KIAA0825: variants seen among roughly 807,000 people sequenced by gnomAD.
KIAA0825 encodes the protein uncharacterized protein KIAA0825.
A neutral mutation model predicts 147.6 loss-of-function variants in KIAA0825; 119 were observed. The observed-to-expected ratio is 0.81, with a 90% CI of 0.69 to 0.94. The LOEUF (loss-of-function observed/expected upper bound fraction) is 0.94, where lower values mean the gene tolerates loss of function less well. Ranked by LOEUF, KIAA0825 falls within the 40% of genes least tolerant of loss-of-function variation. The probability of loss-of-function intolerance (pLI) is 0.00; values close to 1 mark genes in which losing one functional copy is unlikely to be tolerated. For synonymous variants in KIAA0825, 470 were observed against 518.1 expected, an observed-to-expected ratio of 0.91 and a Z score of 1.26; for missense variants, 1,381 against 1,472.7, an observed-to-expected ratio of 0.94 and a Z score of 1.02.
At chr5:94,414,167 AAAGTT>A (rs2150694447) in intron 15 of KIAA0825, 1 of 152,316 alleles carries the variant, frequency 6.6e-6, no homozygotes, top group African/African-American at 2.4e-5. Flanking sequence ...AGGTTGGGAG[AAAGTT>A]AAGAAAACTG....
At chr5:94,332,512 G>T (rs1781388583) in intron 20 of KIAA0825, among the ~76,000 whole-genome samples, 4 of 152,224 alleles carry the variant, frequency 2.6e-5, no homozygotes, top group Admixed American at 2.6e-4. Flanking sequence ...TGCTGAGAAT[G>T]ATGGTTTCCA....
At chr5:94,179,280 A>G (rs964079027) in intron 20 of KIAA0825, among the ~76,000 whole-genome samples, 22 of 152,140 alleles carry the variant, frequency 1.4e-4, no homozygotes, top group African/African-American at 5.1e-4. Flanking sequence ...GTAGGAAAAC[A>G]ACCGACAAAT....
At chr5:94,327,809 C>A (rs1276268959) in intron 20 of KIAA0825, among the ~76,000 whole-genome samples, 1 of 151,972 alleles carries the variant, frequency 6.6e-6, no homozygotes, top group African/African-American at 2.4e-5. Context: ...AGATCAAGAC[C>A]ATCCTGGCCA....
intron 2 of KIAA0825, among the ~76,000 whole-genome samples, chr5:94,565,249 C>T (rs1182827339): frequency 6.6e-6 from 1 of 150,678 alleles, no homozygotes; most frequent in African/African-American, 2.4e-5. Context: ...TGTTTTTTTG[C>T]AACATCACCT....
At chr5:94,295,103 AGGCT>A (rs1188969189) in intron 20 of KIAA0825, among the ~76,000 whole-genome samples, 1 of 151,950 alleles carries the variant, frequency 6.6e-6, no homozygotes, top group African/African-American at 2.4e-5. Context: ...TATTTCTTGG[AGGCT>A]TTGTTCATGC....
intron 20 of KIAA0825, among the ~76,000 whole-genome samples, chr5:94,345,400 T>C (rs1281607188): frequency 6.6e-6 from 1 of 152,108 alleles, no homozygotes; most frequent in Non-Finnish European, 1.5e-5. Context: ...CACATGTCAT[T>C]ACAACTTGTA....
chr5:94,567,273 G>T (rs1489237857), intron 2 of KIAA0825, among the ~76,000 whole-genome samples: 2 of 152,128 alleles, frequency 1.3e-5, no homozygotes, highest in African/African-American at 2.4e-5. Flanking sequence ...AACATAAGCT[G>T]AATATTTTGC....
chr5:94,548,278 T>G (rs1480791234), intron 2 of KIAA0825, among the ~76,000 whole-genome samples: 1 of 152,180 alleles, frequency 6.6e-6, no homozygotes, highest in Admixed American at 6.5e-5. Flanking sequence ...GCTGATGAAC[T>G]AAGTTTTTAC....
intron 5 of KIAA0825, among the ~76,000 whole-genome samples, chr5:94,510,672 T>C (rs912449370): frequency 1.3e-5 from 2 of 152,138 alleles, no homozygotes; most frequent in African/African-American, 4.8e-5. Flanking sequence ...GGAATAGAAA[T>C]ACAATTTTAA....
At chr5:94,358,880 G>A (rs1190438065) in intron 20 of KIAA0825, among the ~76,000 whole-genome samples, 2 of 152,040 alleles carry the variant, frequency 1.3e-5, no homozygotes, top group Non-Finnish European at 2.9e-5. Flanking sequence ...TTCTATCATG[G>A]CATAAACTAA....
At chr5:94,171,996 A>G (rs1251225132) in intron 20 of KIAA0825, among the ~76,000 whole-genome samples, 2 of 152,222 alleles carry the variant, frequency 1.3e-5, no homozygotes, top group East Asian at 1.9e-4. Context: ...ATGTCTCATT[A>G]GGATTCCACG....
intron 20 of KIAA0825, among the ~76,000 whole-genome samples, chr5:94,301,291 C>T (rs577196233): frequency 7.9e-5 from 12 of 152,042 alleles, no homozygotes; most frequent in Non-Finnish European, 1.8e-4. Context: ...GTCACACAGA[C>T]ATTTCATAAT....
chr5:94,430,097 G>C (rs1360585739), intron 14 of KIAA0825, among the ~76,000 whole-genome samples: 1 of 152,160 alleles, frequency 6.6e-6, no homozygotes, highest in African/African-American at 2.4e-5. Context: ...GCTGGACCAA[G>C]CAAGCAAATA....
rs148374825 is a variant in KIAA0825 at position 94,275,766 on chromosome 5, C to T, written c.3710+108602G>A. Among the ~76,000 whole-genome samples, 26 of 152,168 alleles carry T rather than the reference C, an allele frequency of 1.7e-4. No individual in the cohort carries two copies. In the South Asian group the frequency reaches 2.3e-3, roughly 13 times the overall value. On this transcript the variant is annotated intron_variant, in intron 20 of 20. Coordinates refer to ENST00000682413, the MANE Select transcript of KIAA0825 (RefSeq NM_001145678.3). ...TGCTCCCTCAGGTAGTCCTTTGAGG[C>T]TCATCAGTAGCATCATTTACACAGC... is the stretch of plus-strand genomic sequence containing the variant.
intron 17 of KIAA0825, among the ~76,000 whole-genome samples, chr5:94,395,686 GA>G (rs1750553866): frequency 6.6e-6 from 1 of 152,036 alleles, no homozygotes. Context: ...CAGGTACACA[GA>G]AAGCAATAAA....
At chr5:94,273,634 T>C (rs767368900) in intron 20 of KIAA0825, among the ~76,000 whole-genome samples, 16 of 152,274 alleles carry the variant, frequency 1.1e-4, no homozygotes, top group Non-Finnish European at 2.2e-4. Context: ...AAATTCTTCC[T>C]AAGTTTCCCT....
chr5:94,540,047 C>T (rs565276252), intron 2 of KIAA0825, among the ~76,000 whole-genome samples: 316 of 152,286 alleles, frequency 2.1e-3, no homozygotes, highest in African/African-American at 7.0e-3. Context: ...GCCACTTGAA[C>T]TTTTGAACAA....
chr5:94,204,777 G>GGGCA (rs1772002205), intron 20 of KIAA0825, among the ~76,000 whole-genome samples: 1 of 152,030 alleles, frequency 6.6e-6, no homozygotes, highest in South Asian at 2.1e-4. Context: ...CCTCTACAGG[G>GGGCA]GGCAGTTAAT....
intron 20 of KIAA0825, among the ~76,000 whole-genome samples, chr5:94,326,476 G>A (rs1780705062): frequency 6.6e-6 from 1 of 152,140 alleles, no homozygotes; most frequent in African/African-American, 2.4e-5. Context: ...TATCGTTTCT[G>A]TGGTTTTTCA....
Sources: gnomAD v4.1 joint callset for allele counts (sites outside exome capture counted in the v4.1 genomes callset) on GRCh38, gnomAD v4.1.1 for gene constraint, MANE v1.5 for transcripts, NCBI Gene and HGNC (gene_info 2026-07-23, HGNC 2026-07-21) for gene names.